Variants in LMO1 observed in about 807,000 individuals in gnomAD.
The protein encoded by LMO1 is LIM domain only 1, also known as rhombotin-1.
LMO1 carries 10 observed loss-of-function variants against 18.0 expected under a neutral mutation model. The ratio of observed to expected loss-of-function variants is 0.55; its 90% confidence interval spans 0.34 to 0.94. LMO1 has a LOEUF of 0.94. Among genes scored for constraint, LMO1 ranks in the 40% least tolerant of loss-of-function variants. The pLI is 0.02. For missense variants in LMO1, 183 were observed against 205.7 expected, an observed-to-expected ratio of 0.89 and a Z score of 0.68; for synonymous variants, 77 against 77.9, an observed-to-expected ratio of 0.99 and a Z score of 0.06.
intron 3 of LMO1, among the ~76,000 whole-genome samples, chr11:8,226,451 T>A (rs896106555): frequency 2.0e-5 from 3 of 152,144 alleles, no homozygotes; most frequent in African/African-American, 7.2e-5. Context: ...AGGCAGAGGT[T>A]GCCGTGAGCC....
chr11:8,261,083 G>T (rs1847178766), intron 1 of LMO1, among the ~76,000 whole-genome samples: 1 of 152,176 alleles, frequency 6.6e-6, no homozygotes. Flanking sequence ...AGGGAGTGGA[G>T]TGCAGATGCA....
rs146744165 is a variant in LMO1 at position 8,259,987 on chromosome 11, C to A, written c.25+3351G>T. Among the ~76,000 whole-genome samples, 656 of 152,244 alleles carry A rather than the reference C, an allele frequency of 4.3e-3. 9 individuals carry two copies. Among genetic ancestry groups the A allele is most frequent in the African/African-American group, 0.014 (600 of 41,538 alleles). ...ACCCGCCTGCTGCTTCCTGTGGTCA[C>A]CCCCACCTTCCTGCTGGGCCTTTGC... On this transcript the variant is annotated intron_variant, in intron 1 of 3. Transcript: ENST00000335790.
At chr11:8,259,582 G>A (rs1457960415) in intron 1 of LMO1, among the ~76,000 whole-genome samples, 2 of 152,256 alleles carry the variant, frequency 1.3e-5, no homozygotes, top group East Asian at 3.9e-4. Flanking sequence ...AGGCAGCAGT[G>A]TCCACTTGGC....
At chr11:8,241,096 C>G (rs957754166) in intron 1 of LMO1, among the ~76,000 whole-genome samples, 14 of 152,156 alleles carry the variant, frequency 9.2e-5, no homozygotes, top group African/African-American at 2.9e-4. Context: ...AGACATAGCT[C>G]AAAAACAACA....
At chr11:8,255,119 A>C (rs973106487) in intron 1 of LMO1, among the ~76,000 whole-genome samples, 1 of 152,136 alleles carries the variant, frequency 6.6e-6, no homozygotes, top group Non-Finnish European at 1.5e-5. Context: ...CCACCCTTTG[A>C]ACTTGGGCTG....
chr11:8,249,394 C>T (rs1402324428), intron 1 of LMO1, among the ~76,000 whole-genome samples: 2 of 152,170 alleles, frequency 1.3e-5, no homozygotes, highest in African/African-American at 4.8e-5. Flanking sequence ...AGTTTTATCC[C>T]CTCCCATTTG....
chr11:8,254,616 C>G (rs1265386815), intron 1 of LMO1, among the ~76,000 whole-genome samples: 1 of 63,500 alleles, frequency 1.6e-5, no homozygotes, highest in African/African-American at 3.1e-5. Flanking sequence ...GATTATGGTC[C>G]CTCCCCACCG....
At chr11:8,236,422 T>C (rs1590535362) in intron 1 of LMO1, among the ~76,000 whole-genome samples, 2 of 151,442 alleles carry the variant, frequency 1.3e-5, no homozygotes, top group East Asian at 1.9e-4. Flanking sequence ...CCCAGGCTGG[T>C]CTCGAACTCC....
chr11:8,256,575 T>C (rs966252504), intron 1 of LMO1, among the ~76,000 whole-genome samples: 2 of 152,188 alleles, frequency 1.3e-5, no homozygotes, highest in Non-Finnish European at 1.5e-5. Flanking sequence ...TGCTTTTAAT[T>C]TGCCCCCAGT....
intron 1 of LMO1, among the ~76,000 whole-genome samples, chr11:8,250,364 C>T (rs1162400983): frequency 6.6e-6 from 1 of 152,176 alleles, no homozygotes; most frequent in Non-Finnish European, 1.5e-5. Context: ...TTAATTTCTT[C>T]CTGGATCTTT....
At chr11:8,257,276 G>A (rs939770724) in intron 1 of LMO1, among the ~76,000 whole-genome samples, 1 of 152,180 alleles carries the variant, frequency 6.6e-6, no homozygotes. Context: ...CTGGAAATGG[G>A]AGGACACCTT....
chr11:8,258,847 G>C (rs528995850), intron 1 of LMO1, among the ~76,000 whole-genome samples: 2 of 152,244 alleles, frequency 1.3e-5, no homozygotes, highest in African/African-American at 4.8e-5. Flanking sequence ...GGCCAAGTGA[G>C]TGGTCATGCC....
At chr11:8,227,700 T>C (rs556442179) in intron 2 of LMO1, among the ~76,000 whole-genome samples, 5 of 152,348 alleles carry the variant, frequency 3.3e-5, no homozygotes, top group African/African-American at 1.2e-4. Flanking sequence ...GTACTATTAT[T>C]ATTCCCCATT....
At chr11:8,266,289 A>G (rs903172661), upstream of LMO1, among the ~76,000 whole-genome samples, 20 of 152,142 alleles carry the variant, frequency 1.3e-4, no homozygotes, top group Admixed American at 3.9e-4. Context: ...AGAGGCAGAT[A>G]GAAACATCAC....
intron 1 of LMO1, among the ~76,000 whole-genome samples, chr11:8,247,112 A>G (rs1325469396): frequency 2.0e-5 from 3 of 152,214 alleles, no homozygotes. Flanking sequence ...AAATTTCTGC[A>G]TCCTTCAAGG....
At position 8,224,392 on chromosome 11, in the gene LMO1, A is replaced by G; in HGVS notation, c.*224T>C. ...ATAAAATAAATGTTCCCATTTATAT[A>G]CAGAAGACAGACTGTACAGGCCCGG... On this transcript the variant is annotated 3_prime_UTR_variant, in exon 4 of 4. Transcript: ENST00000335790. 3.6e-6 allele frequency: 2 copies of G among 549,320 alleles called. No homozygotes were observed. Among genetic ancestry groups the G allele is most frequent in the East Asian group, 2.9e-5 (1 of 34,980 alleles). 34.0% of individuals were successfully genotyped at this position (549,320 alleles called of 1,614,324 possible). A position where few individuals can be genotyped will look rare whatever the true frequency, so the allele number is the denominator to read the frequency against.
intron 1 of LMO1, among the ~76,000 whole-genome samples, chr11:8,246,764 G>T (rs978366168): frequency 6.6e-6 from 1 of 151,876 alleles, no homozygotes; most frequent in African/African-American, 2.4e-5. Flanking sequence ...GGAGAAACCA[G>T]TTCATAAAAT....
intron 1 of LMO1, among the ~76,000 whole-genome samples, chr11:8,230,812 C>T (rs1362145842): frequency 6.6e-6 from 1 of 151,762 alleles, no homozygotes; most frequent in Non-Finnish European, 1.5e-5. Context: ...TGGCCTCTAT[C>T]CCCTGTGCGG....
At position 8,263,541 on chromosome 11, in the gene LMO1, C is replaced by T; in HGVS notation, c.-179G>A. ...TTACATTCAGGAGTGAAGCACTTCG[C>T]AGATACAAAAGCAGTCTCACCTACT... On this transcript the variant is annotated 5_prime_UTR_variant, in exon 1 of 4. Transcript: ENST00000335790. 7.3e-7 allele frequency: 1 copy of T among 1,368,224 alleles called. No individual in the cohort carries two copies. The highest frequency in any genetic ancestry group is 9.4e-7 in the Non-Finnish European group (1 of 1,062,596). The allele number at this position is 1,368,224 out of a possible 1,614,324, so 84.8% of individuals were successfully genotyped here.
Sources: gnomAD v4.1 joint callset for allele counts (sites outside exome capture counted in the v4.1 genomes callset) on GRCh38, gnomAD v4.1.1 for gene constraint, MANE v1.5 for transcripts, NCBI Gene and HGNC (gene_info 2026-07-23, HGNC 2026-07-21) for gene names.